The following IL19 variants were observed in gnomAD, a reference collection of about 807,000 sequenced individuals.
The protein encoded by IL19 is interleukin-19.
A neutral mutation model predicts 19.5 loss-of-function variants in IL19; 15 were observed. That is an observed-to-expected ratio of 0.77 (90% CI 0.52 to 1.19). IL19 has a LOEUF of 1.19. Ranked by LOEUF, IL19 falls within the 50% of genes most tolerant of loss-of-function variation. IL19 has a pLI of 0.00. For missense variants in IL19, 199 were observed against 213.1 expected, an observed-to-expected ratio of 0.93 and a Z score of 0.41; for synonymous variants, 78 against 78.3, an observed-to-expected ratio of 1.00 and a Z score of 0.02.
At chr1:206,795,019 C>T (rs1675488938) in intron 1 of IL19, among the ~76,000 whole-genome samples, 1 of 152,204 alleles carries the variant, frequency 6.6e-6, no homozygotes, top group South Asian at 2.1e-4. Context: ...CCTCCATTTC[C>T]CCATGCCAGC....
intron 1 of IL19, among the ~76,000 whole-genome samples, chr1:206,793,502 C>T (rs946824028): frequency 2.6e-5 from 4 of 152,224 alleles, no homozygotes; most frequent in Non-Finnish European, 4.4e-5. Context: ...CCCCAGCCGG[C>T]CTGACTCACC....
chr1:206,796,777 CTCCCAGAACATA>C (rs1209152845), intron 1 of IL19, among the ~76,000 whole-genome samples: 3 of 152,202 alleles, frequency 2.0e-5, no homozygotes, highest in Non-Finnish European at 2.9e-5. Flanking sequence ...AATAAGGCAT[CTCCCAGAACATA>C]TCCCCACCGT....
chr1:206,784,731 C>T (rs574164119), intron 1 of IL19, among the ~76,000 whole-genome samples: 34 of 152,314 alleles, frequency 2.2e-4, no homozygotes, highest in Admixed American at 7.8e-4. Context: ...TTGACTGTTT[C>T]AGGGAGAAAA....
chr1:206,816,321 G>A (rs1293026392), intron 2 of IL19, among the ~76,000 whole-genome samples: 4 of 152,056 alleles, frequency 2.6e-5, no homozygotes, highest in Non-Finnish European at 5.9e-5. Context: ...AAAAAATAAT[G>A]TACTTTGGAA....
At position 206,771,341 on chromosome 1, in the gene IL19, C is replaced by T. The variant is rs1342823726; in HGVS notation, c.-149+263C>T. 14 of 1,611,164 alleles carry T rather than the reference C, an allele frequency of 8.7e-6. No homozygotes were observed. The highest frequency in any genetic ancestry group is 1.7e-5 in the Admixed American group (1 of 60,000). On this transcript the variant is annotated intron_variant, in intron 1 of 6. Coordinates refer to ENST00000659997, the MANE Select transcript of IL19 (RefSeq NM_153758.5). ...CATGCTGCACACTCCCCCAGCACCC[C>T]GCCCCTGCTCTCACCTTAAAGTCCT...
chr1:206,833,993 G>T, intron 2 of IL19: 1 of 985,576 alleles, frequency 1.0e-6, no homozygotes, highest in Non-Finnish European at 1.2e-6. Context: ...GGCTGATTGA[G>T]AGTGCTTTTG....
chr1:206,808,496 TGTGC>T (rs1553440389), intron 2 of IL19, among the ~76,000 whole-genome samples: 28 of 120,156 alleles, frequency 2.3e-4, no homozygotes, highest in Admixed American at 1.0e-3. Flanking sequence ...GAATTGTGTG[TGTGC>T]GTGTGTGTGT....
chr1:206,838,690 T>G (rs1318029486), intron 4 of IL19, among the ~76,000 whole-genome samples: 2 of 152,124 alleles, frequency 1.3e-5, no homozygotes, highest in Non-Finnish European at 2.9e-5. Flanking sequence ...GTAGCTCATG[T>G]GGAATAAGAA....
chr1:206,833,540 G>GA (rs1676681286), intron 2 of IL19, among the ~76,000 whole-genome samples: 1 of 152,228 alleles, frequency 6.6e-6, no homozygotes, highest in Admixed American at 6.5e-5. Context: ...TATTTAATGG[G>GA]AAGAAACTGT....
At chr1:206,821,243 T>C (rs913991040) in intron 2 of IL19, among the ~76,000 whole-genome samples, 1 of 152,172 alleles carries the variant, frequency 6.6e-6, no homozygotes, top group Non-Finnish European at 1.5e-5. Context: ...GAAGTTAAAA[T>C]GATACTATCG....
At chr1:206,836,883 T>C in intron 3 of IL19, 75 bp from the exon 4 acceptor site, 1 of 1,596,576 alleles carries the variant, frequency 6.3e-7, no homozygotes, top group South Asian at 1.1e-5. Context: ...ATGAGTTCCT[T>C]CTCATTGCCT....
chr1:206,827,619 G>A (rs1361141925), intron 2 of IL19, among the ~76,000 whole-genome samples: 4 of 151,876 alleles, frequency 2.6e-5, no homozygotes, highest in Non-Finnish European at 4.4e-5. Context: ...GAACCCCGGG[G>A]GGCGGAGCCT....
At position 206,831,627 on chromosome 1, in the gene IL19, T is replaced by C. The variant is rs116353336; in HGVS notation, c.-2-5034T>C. ...AAGTTGCTTATTATGCGCCAGGTAC[T>C]GTGCTGAGGAATTATGTGTAATCAC... On this transcript the variant is annotated intron_variant, in intron 2 of 6. Coordinates refer to ENST00000659997, the MANE Select transcript of IL19 (RefSeq NM_153758.5). Among the ~76,000 whole-genome samples, 674 of 152,342 alleles carry C rather than the reference T, an allele frequency of 4.4e-3. 6 individuals carry two copies. The highest frequency in any genetic ancestry group is 0.013 in the African/African-American group (541 of 41,580).
At chr1:206,832,045 G>A (rs1186131029) in intron 2 of IL19, among the ~76,000 whole-genome samples, 1 of 152,224 alleles carries the variant, frequency 6.6e-6, no homozygotes, top group Admixed American at 6.5e-5. Flanking sequence ...CTCCGAGCCA[G>A]GCAGCTCAGG....
intron 2 of IL19, among the ~76,000 whole-genome samples, chr1:206,804,295 C>G (rs1181010127): frequency 6.6e-6 from 1 of 152,202 alleles, no homozygotes; most frequent in East Asian, 1.9e-4. Flanking sequence ...AAGAGGGTTC[C>G]TGTGCTGGGA....
chr1:206,782,381 AG>A (rs1221394424), intron 1 of IL19, among the ~76,000 whole-genome samples: 1 of 151,106 alleles, frequency 6.6e-6, no homozygotes, highest in Non-Finnish European at 1.5e-5. Context: ...AAGACCTCTC[AG>A]GGTTTCTCAG....
chr1:206,788,226 G>C (rs533042237), intron 1 of IL19, among the ~76,000 whole-genome samples: 3 of 152,126 alleles, frequency 2.0e-5, no homozygotes, highest in Admixed American at 1.3e-4. Context: ...ACTGTATACT[G>C]TGTGCCCACC....
intron 5 of IL19, 60 bp downstream of exon 5, chr1:206,840,062 A>G (rs749887207): frequency 6.3e-6 from 10 of 1,589,584 alleles, no homozygotes; most frequent in African/African-American, 2.7e-5. Context: ...AGAGGCCAGG[A>G]AGTGCTGGCC....
At chr1:206,817,605 AAAG>A (rs780654650) in intron 2 of IL19, among the ~76,000 whole-genome samples, 2 of 152,182 alleles carry the variant, frequency 1.3e-5, no homozygotes, top group Non-Finnish European at 2.9e-5. Context: ...TACCAGGGAT[AAAG>A]AAGGTCATTT....
Sources: gnomAD v4.1 joint callset for allele counts (sites outside exome capture counted in the v4.1 genomes callset) on GRCh38, gnomAD v4.1.1 for gene constraint, MANE v1.5 for transcripts, NCBI Gene and HGNC (gene_info 2026-07-23, HGNC 2026-07-21) for gene names.